The following PCLO variants were observed in gnomAD, a reference collection of about 807,000 sequenced individuals.
The protein encoded by PCLO is piccolo presynaptic cytomatrix protein.
PCLO carries 82 observed loss-of-function variants against 427.5 expected under a neutral mutation model. The observed-to-expected ratio is 0.19, with a 90% CI of 0.16 to 0.23. The LOEUF (loss-of-function observed/expected upper bound fraction) is 0.23. PCLO is among the 10% of genes least tolerant of loss of function. PCLO has a pLI of 1.00. For synonymous variants in PCLO, 2,357 were observed against 2,155.4 expected (o/e 1.09, Z -2.59); for missense variants, 6,239 against 6,115.9 (o/e 1.02, Z -0.67).
intron 3 of PCLO, among the ~76,000 whole-genome samples, chr7:83,047,747 T>A (rs1020796928): frequency 6.6e-6 from 1 of 152,078 alleles, no homozygotes; most frequent in Admixed American, 6.6e-5. Flanking sequence ...CTTACAGATA[T>A]GAAAATAATG....
intron 3 of PCLO, among the ~76,000 whole-genome samples, chr7:83,052,428 T>C (rs962320062): frequency 6.6e-6 from 1 of 152,068 alleles, no homozygotes; most frequent in Non-Finnish European, 1.5e-5. Context: ...CCAAGCTGTT[T>C]GAGCTCAGGT....
intron 3 of PCLO, among the ~76,000 whole-genome samples, chr7:83,087,003 G>T (rs1301614249): frequency 1.4e-5 from 2 of 147,660 alleles, no homozygotes; most frequent in Middle Eastern, 3.5e-3. Flanking sequence ...TCACTCATAG[G>T]TGGGAACTGA....
chr7:82,758,563 A>G lies in PCLO; in HGVS notation c.*12T>C. ...TTAGAGCAGTTTCTATACCCTGAGA[A>G]GACATGTTTCTTCAATGCGTTTGAG... On this transcript the variant is annotated 3_prime_UTR_variant, in exon 25 of 25. Coordinates refer to ENST00000333891, the MANE Select transcript of PCLO (RefSeq NM_033026.6). The G allele has an allele frequency of 6.2e-7, 1 of 1,606,406 alleles. No individual in the cohort carries two copies. The highest frequency in any genetic ancestry group is 8.5e-7 in the Non-Finnish European group (1 of 1,176,476).
intron 7 of PCLO, among the ~76,000 whole-genome samples, chr7:82,912,352 T>C (rs1794343552): frequency 6.6e-6 from 1 of 151,716 alleles, no homozygotes; most frequent in Non-Finnish European, 1.5e-5. Flanking sequence ...ACACCATTAC[T>C]CATTAGAAGA....
At chr7:82,816,738 T>C (rs928108617) in intron 20 of PCLO, among the ~76,000 whole-genome samples, 1 of 152,086 alleles carries the variant, frequency 6.6e-6, no homozygotes, top group African/African-American at 2.4e-5. Context: ...GATGGGCCAG[T>C]TGGTCTTACT....
At chr7:82,965,150 T>C (rs1795735280) in intron 4 of PCLO, among the ~76,000 whole-genome samples, 1 of 152,134 alleles carries the variant, frequency 6.6e-6, no homozygotes, top group Admixed American at 6.6e-5. Flanking sequence ...ATTATGCTGA[T>C]TATAAATAAC....
At chr7:83,005,048 C>G (rs1368910461) in intron 3 of PCLO, among the ~76,000 whole-genome samples, 1 of 145,662 alleles carries the variant, frequency 6.9e-6, no homozygotes, top group Non-Finnish European at 1.5e-5. Flanking sequence ...TAGGAAGATA[C>G]ATTGTAGGAG....
At chr7:82,899,334 ATTC>A in intron 9 of PCLO, among the ~76,000 whole-genome samples, 1 of 151,534 alleles carries the variant, frequency 6.6e-6, no homozygotes, top group Non-Finnish European at 1.5e-5. Context: ...GCCAGGAAAT[ATTC>A]AGTGCCAGTT....
intron 3 of PCLO, among the ~76,000 whole-genome samples, chr7:83,108,833 T>C (rs1355457415): frequency 6.6e-6 from 1 of 152,116 alleles, no homozygotes; most frequent in Non-Finnish European, 1.5e-5. Flanking sequence ...GCTCTTTCAT[T>C]AATTTTCAAC....
intron 3 of PCLO, among the ~76,000 whole-genome samples, chr7:83,044,556 C>T (rs769356573): frequency 4.6e-5 from 7 of 151,916 alleles, no homozygotes; most frequent in Admixed American, 3.3e-4. Context: ...GTTCCTAAGT[C>T]GGTTTTTTTG....
chr7:82,810,995 G>A (rs1237046137), intron 20 of PCLO, among the ~76,000 whole-genome samples: 2 of 151,662 alleles, frequency 1.3e-5, no homozygotes, highest in East Asian at 3.8e-4. Context: ...AATGTAAATA[G>A]GTTGCTGTCT....
chr7:82,861,623 C>A (rs565025386), intron 10 of PCLO, among the ~76,000 whole-genome samples: 16 of 152,022 alleles, frequency 1.1e-4, no homozygotes, highest in African/African-American at 3.9e-4. Flanking sequence ...CACTATAGAC[C>A]AAATGGATCC....
intron 9 of PCLO, among the ~76,000 whole-genome samples, chr7:82,901,236 AT>A (rs1794031476): frequency 6.6e-6 from 1 of 151,844 alleles, no homozygotes; most frequent in African/African-American, 2.4e-5. Flanking sequence ...TATCCTACTT[AT>A]TTTTTTACAT....
intron 22 of PCLO, among the ~76,000 whole-genome samples, chr7:82,780,227 C>T (rs1790843319): frequency 6.6e-6 from 1 of 152,118 alleles, no homozygotes; most frequent in Admixed American, 6.5e-5. Context: ...TCTCAGGCCT[C>T]TTATTAAATG....
In PCLO at chr7:82,966,351, T is replaced by G. The variant is rs775114921; in HGVS notation, c.3437A>C (p.Gln1146Pro). The change falls in exon 4 of 25, where the codon CAG (glutamine) becomes CCG (proline). Residue 1146 changes from glutamine to proline, a missense_variant. By Grantham distance (76) the Gln-to-Pro change is moderately conservative. Transcript: ENST00000333891. ...TACTTGGGGAGGCACTGCTGTTTTCTGAGATGATGATTCTGTAGGAACAGG... is the reference window on the plus strand; with the variant it reads ...TACTTGGGGAGGCACTGCTGTTTTCGGAGATGATGATTCTGTAGGAACAGG... ...PMPVPTESSSQKTAVPPQVKL... is the reference protein window; with the variant it reads ...PMPVPTESSSPKTAVPPQVKL... 3.7e-6 allele frequency: 6 copies of G among 1,613,810 alleles called. No homozygotes were observed. Among genetic ancestry groups the G allele is most frequent in the East Asian group, 4.5e-5 (2 of 44,886 alleles).
chr7:82,913,609 C>T (rs1386228846), intron 7 of PCLO, among the ~76,000 whole-genome samples: 1 of 151,978 alleles, frequency 6.6e-6, no homozygotes, highest in Non-Finnish European at 1.5e-5. Context: ...GGGCTAGGCT[C>T]TTCACACCTT....
chr7:82,860,148 GA>G (rs1477512458), intron 10 of PCLO, among the ~76,000 whole-genome samples: 2 of 152,108 alleles, frequency 1.3e-5, no homozygotes, highest in African/African-American at 4.8e-5. Context: ...GATTGGGGTA[GA>G]AAGTTTATTC....
At chr7:82,771,517 C>G (rs1790646805) in intron 22 of PCLO, among the ~76,000 whole-genome samples, 1 of 151,828 alleles carries the variant, frequency 6.6e-6, no homozygotes, top group Non-Finnish European at 1.5e-5. Context: ...TGACAAATAC[C>G]AGTTGAATCA....
At chr7:82,975,577 G>C (rs902680791) in intron 3 of PCLO, among the ~76,000 whole-genome samples, 2 of 152,046 alleles carry the variant, frequency 1.3e-5, no homozygotes, top group Non-Finnish European at 2.9e-5. Flanking sequence ...CTTCTTGCAG[G>C]GAAGAATCAG....
Sources: gnomAD v4.1 joint callset for allele counts (sites outside exome capture counted in the v4.1 genomes callset) on GRCh38, gnomAD v4.1.1 for gene constraint, MANE v1.5 for transcripts, NCBI Gene and HGNC (gene_info 2026-07-23, HGNC 2026-07-21) for gene names.